LIFR: variants seen among roughly 807,000 people sequenced by gnomAD.
LIFR encodes LIF receptor subunit alpha.
In LIFR, 84 loss-of-function variants were observed where a neutral mutation model predicts 122.2. The observed-to-expected ratio is 0.69, with a 90% CI of 0.58 to 0.82. The LOEUF is 0.82. Ranked by LOEUF, LIFR falls within the 40% of genes least tolerant of loss-of-function variation. The probability of loss-of-function intolerance (pLI) is 0.00; values close to 1 mark genes in which losing one functional copy is unlikely to be tolerated. For synonymous variants in LIFR, 422 were observed against 434.7 expected (o/e 0.97, Z 0.36); for missense variants, 1,294 against 1,311.6 (o/e 0.99, Z 0.21).
intron 1 of LIFR, among the ~76,000 whole-genome samples, chr5:38,580,034 A>G (rs1296088533): frequency 6.6e-6 from 1 of 152,200 alleles, no homozygotes; most frequent in Non-Finnish European, 1.5e-5. Context: ...CTGTAAATTG[A>G]AGCAATGCAC....
At position 38,478,270 on chromosome 5, in the gene LIFR, A is replaced by G. The variant is rs1312337812; in HGVS notation, c.*3325T>C. 3 of 206,996 alleles carry G rather than the reference A, an allele frequency of 1.4e-5. No individual in the cohort carries two copies. Among genetic ancestry groups the G allele is most frequent in the African/African-American group, 2.3e-5 (1 of 43,860 alleles). The allele number at this position is 206,996 out of a possible 1,614,324, so 12.8% of individuals were successfully genotyped here. ...TTTTACCACAGTTTCTGAGAGTGTA[A>G]TAGTACTAAATGTTCTAAATGTAAT... is the stretch of plus-strand genomic sequence containing the variant. On this transcript the variant is annotated 3_prime_UTR_variant, in exon 20 of 20. Coordinates refer to ENST00000453190, the MANE Select transcript of LIFR (RefSeq NM_001127671.2).
intron 1 of LIFR, among the ~76,000 whole-genome samples, chr5:38,565,586 ATT>A (rs1223940813): frequency 0.024 from 3,191 of 134,798 alleles, 180 homozygotes; most frequent in East Asian, 0.23. Flanking sequence ...ATGATTGTTG[ATT>A]TTTTTTTTTT....
At chr5:38,493,208 C>T (rs1744692898) in intron 14 of LIFR, among the ~76,000 whole-genome samples, 2 of 151,570 alleles carry the variant, frequency 1.3e-5, no homozygotes, top group South Asian at 2.1e-4. Context: ...GCTACAGTTC[C>T]GTAGTTTTTT....
chr5:38,481,575 G>C lies in LIFR; in HGVS notation c.*20C>G. ...TAAGAGCTTATTGAGATGGCTGACT[G>C]AAGTGACACGGTGACACTGTTAATC... is the stretch of plus-strand genomic sequence containing the variant. On this transcript the variant is annotated 3_prime_UTR_variant, in exon 20 of 20. Transcript: ENST00000453190. The C allele has an allele frequency of 6.2e-7, 1 of 1,613,864 alleles. No individual in the cohort carries two copies. Among genetic ancestry groups the C allele is most frequent in the South Asian group, 1.1e-5 (1 of 91,056 alleles).
At chr5:38,530,926 T>C (rs1746972590) in intron 1 of LIFR, 1 of 386,216 alleles carries the variant, frequency 2.6e-6, no homozygotes, top group Non-Finnish European at 4.7e-6. Flanking sequence ...AATTATAAAA[T>C]TACAACAAAA....
intron 1 of LIFR, among the ~76,000 whole-genome samples, chr5:38,581,648 T>G (rs1209472788): frequency 2.6e-5 from 4 of 152,212 alleles, no homozygotes; most frequent in Admixed American, 2.6e-4. Flanking sequence ...AGGTCCTTTC[T>G]GGAAATGGTT....
chr5:38,494,598 T>C (rs1474705505), intron 13 of LIFR, among the ~76,000 whole-genome samples: 1 of 152,000 alleles, frequency 6.6e-6, no homozygotes, highest in Non-Finnish European at 1.5e-5. Flanking sequence ...GGGTAGAAGA[T>C]AGGGCAGTGT....
intron 7 of LIFR, among the ~76,000 whole-genome samples, chr5:38,507,162 G>T (rs951839191): frequency 6.6e-6 from 1 of 151,922 alleles, no homozygotes. Flanking sequence ...AACTGACTGC[G>T]GCTCTTTTGT....
At chr5:38,600,993 C>T (rs1329567107) in intron 2 of LIFR, among the ~76,000 whole-genome samples, 2 of 152,182 alleles carry the variant, frequency 1.3e-5, no homozygotes, top group African/African-American at 4.8e-5. Context: ...GTAACACTGA[C>T]CTTAGAGGGG....
intron 18 of LIFR, among the ~76,000 whole-genome samples, chr5:38,483,935 C>G (rs978977696): frequency 6.6e-6 from 1 of 152,188 alleles, no homozygotes; most frequent in Non-Finnish European, 1.5e-5. Flanking sequence ...CCAGCCAGGA[C>G]AGCTCTTGCC....
intron 1 of LIFR, among the ~76,000 whole-genome samples, chr5:38,541,667 G>A (rs1747599236): frequency 6.6e-6 from 1 of 152,140 alleles, no homozygotes; most frequent in Non-Finnish European, 1.5e-5. Context: ...TCATTAATGA[G>A]TTGCATGAAG....
intron 1 of LIFR, among the ~76,000 whole-genome samples, chr5:38,574,688 T>G (rs1291721864): frequency 6.6e-6 from 1 of 152,222 alleles, no homozygotes; most frequent in Non-Finnish European, 1.5e-5. Context: ...TACCCAGCAC[T>G]GCTGCCACTT....
Position 38,482,000 on chromosome 5 carries a change from T to C in LIFR, c.2889A>G (p.Ala963=), listed in dbSNP as rs1187238357. 6.2e-7 allele frequency: 1 copy of C among 1,614,214 alleles called. No individual in the cohort carries two copies. The highest frequency in any genetic ancestry group is 1.1e-5 in the South Asian group (1 of 91,080). The change falls in exon 20 of 20, where the codon GCA becomes GCG. Residue 963 remains alanine (A), a synonymous_variant. Transcript: ENST00000453190. ...CCTGTGCAGTCCCTCCAGCTTCATCTGCGGCTGGGTTTGGTATTTCTTCCT... is the reference window on the plus strand; with the variant it reads ...CCTGTGCAGTCCCTCCAGCTTCATCCGCGGCTGGGTTTGGTATTTCTTCCT... ...IIEEEIPNPA[A]DEAGGTAQVI... is the part of the protein sequence containing the mutation.
intron 1 of LIFR, among the ~76,000 whole-genome samples, chr5:38,572,501 A>G (rs1749245819): frequency 6.6e-6 from 1 of 152,196 alleles, no homozygotes; most frequent in African/African-American, 2.4e-5. Flanking sequence ...GGGTGGGGGC[A>G]CAGATCCAAA....
chr5:38,487,570 C>G (rs1443274476), intron 16 of LIFR, among the ~76,000 whole-genome samples: 1 of 152,126 alleles, frequency 6.6e-6, no homozygotes, highest in Non-Finnish European at 1.5e-5. Flanking sequence ...GCTCTATATA[C>G]AGTAGTCCGC....
intron 11 of LIFR, among the ~76,000 whole-genome samples, chr5:38,501,597 CA>C (rs1745180010): frequency 6.6e-6 from 1 of 151,956 alleles, no homozygotes; most frequent in African/African-American, 2.4e-5. Context: ...ACTAAAAATA[CA>C]AAAATTAGCC....
chr5:38,536,213 T>C (rs3099124), intron 1 of LIFR, among the ~76,000 whole-genome samples: 148,357 of 152,320 alleles, frequency 0.97, 72,288 homozygotes, highest in East Asian at 1. Flanking sequence ...GTAATTAAGG[T>C]TTTTTAAGAA....
At chr5:38,533,091 G>A (rs1452310806) in intron 1 of LIFR, among the ~76,000 whole-genome samples, 1 of 152,200 alleles carries the variant, frequency 6.6e-6, no homozygotes, top group African/African-American at 2.4e-5. Context: ...TTTTCCAGAT[G>A]AGGTAGAAAT....
At chr5:38,566,929 A>G (rs1459528867) in intron 1 of LIFR, among the ~76,000 whole-genome samples, 1 of 152,198 alleles carries the variant, frequency 6.6e-6, no homozygotes, top group Non-Finnish European at 1.5e-5. Context: ...TACTTTTACC[A>G]TGGCCAACTT....
Sources: allele counts gnomAD v4.1 joint callset (sites outside exome capture counted in the v4.1 genomes callset), GRCh38; gene constraint gnomAD v4.1.1; transcripts MANE v1.5; gene names NCBI Gene and HGNC (gene_info 2026-07-23, HGNC 2026-07-21).